The following DMD variants were observed in gnomAD, a reference collection of about 807,000 sequenced individuals.
DMD encodes the protein dystrophin.
DMD carries 63 observed loss-of-function variants against 330.1 expected under a neutral mutation model. That is an observed-to-expected ratio of 0.19 (90% CI 0.16 to 0.24). The LOEUF (loss-of-function observed/expected upper bound fraction) is 0.24, where lower values mean the gene tolerates loss of function less well. Among genes scored for constraint, DMD ranks in the 10% least tolerant of loss-of-function variants. The probability of loss-of-function intolerance (pLI) is 1.00; values close to 1 mark genes in which losing one functional copy is unlikely to be tolerated. For missense variants in DMD, 3,344 were observed against 2,684.1 expected, an observed-to-expected ratio of 1.25 and a Z score of -5.43; for synonymous variants, 1,223 against 959.8, an observed-to-expected ratio of 1.27 and a Z score of -5.07.
chrX:32,050,039 T>G (rs780278976), intron 44 of DMD, among the ~76,000 whole-genome samples: 1 of 111,782 alleles, frequency 8.9e-6, no homozygotes, highest in Non-Finnish European at 1.9e-5. Context: ...ATTCTGACAG[T>G]TTTTTAATAA....
chrX:33,295,936 G>A (rs897057636), intron 1 of DMD, among the ~76,000 whole-genome samples: 1 of 111,468 alleles, frequency 9.0e-6, no homozygotes, highest in African/African-American at 3.3e-5. Context: ...ATCCATGGGG[G>A]ATGAGCTAAT....
intron 45 of DMD, among the ~76,000 whole-genome samples, chrX:31,959,402 G>T (rs1569523231): frequency 9.0e-6 from 1 of 111,647 alleles, no homozygotes; most frequent in Non-Finnish European, 1.9e-5. Context: ...AGGGTAAGTG[G>T]ATAGGCGGTT....
chrX:32,896,631 A>G (rs2085747009), intron 2 of DMD, among the ~76,000 whole-genome samples: 1 of 112,063 alleles, frequency 8.9e-6, no homozygotes, highest in Admixed American at 9.5e-5. Flanking sequence ...AAGATAATTC[A>G]CTTGACTGCA....
At chrX:31,893,001 C>T (rs764189152) in intron 47 of DMD, among the ~76,000 whole-genome samples, 2 of 111,877 alleles carry the variant, frequency 1.8e-5, no homozygotes, top group Admixed American at 9.4e-5. Flanking sequence ...GCTCACATTA[C>T]GCTCTGTAAT....
At chrX:31,342,976 C>T (rs1351737479) in intron 61 of DMD, among the ~76,000 whole-genome samples, 1 of 110,807 alleles carries the variant, frequency 9.0e-6, no homozygotes, top group East Asian at 2.8e-4. Flanking sequence ...GGGGGTTTCA[C>T]CAGGTTGGCC....
At chrX:32,075,459 C>T (rs768399765) in intron 44 of DMD, among the ~76,000 whole-genome samples, 54 of 111,745 alleles carry the variant, frequency 4.8e-4, no homozygotes, top group Non-Finnish European at 8.3e-4. Flanking sequence ...AAAATGAGGG[C>T]ATTGGAAGGC....
rs759716644 is a variant in DMD at position 33,271,153 on chromosome X, G to C, written c.7+68106C>G. On this transcript the variant is annotated intron_variant, in intron 1 of 17. Coordinates refer to the DMD transcript ENST00000288447. The stretch of plus-strand genomic sequence containing the variant: ...TATCTAATGCATTTCTAATTGCTAA[G>C]TTACAGTTCCAACATTTTCATAGTG... Among the ~76,000 whole-genome samples, 4 of 110,958 alleles carry C rather than the reference G, an allele frequency of 3.6e-5. No individual in the cohort carries two copies. In the South Asian group the frequency reaches 1.5e-3, roughly 42 times the overall value.
At chrX:31,269,055 T>C (rs762715582) in intron 62 of DMD, among the ~76,000 whole-genome samples, 82 of 111,799 alleles carry the variant, frequency 7.3e-4, no homozygotes, top group Non-Finnish European at 1.2e-3. Context: ...CAAAAATACA[T>C]CTTTAAGTTC....
At position 31,618,378 on chromosome X, in the gene DMD, T is replaced by C. The variant is rs138909278; in HGVS notation, c.8217+9295A>G. On this transcript the variant is annotated intron_variant, in intron 55 of 78. Transcript: ENST00000357033. ...GTGAGCAGTAATAACAAAATATGAG[T>C]AGATTTCTAGGGCAATGAGGACTTG... is the stretch of plus-strand genomic sequence containing the variant. 3.6e-4 allele frequency among the ~76,000 whole-genome samples: 40 copies of C among 111,485 alleles called. No homozygotes were observed. In the East Asian group the frequency reaches 9.6e-3, roughly 27 times the overall value.
In DMD at chrX:32,573,808, T is replaced by A. The variant is rs1394724423; in HGVS notation, c.1641A>T (p.Thr547=). The A allele has an allele frequency of 1.7e-6, 2 of 1,210,012 alleles. No individual in the cohort carries two copies. Among genetic ancestry groups the A allele is most frequent in the East Asian group, 5.9e-5 (2 of 33,782 alleles). ...GDRWANICRW[T]EDRWVLLQDI... ...CTTGTAAAAGAACCCAGCGGTCTTC[T>A]GTCCATCTACAGATGTTTGCCCATC... Residue 547 remains threonine (T), a synonymous_variant, in exon 14 of 79, where the codon ACA becomes ACT. Coordinates refer to ENST00000357033, the MANE Select transcript of DMD (RefSeq NM_004006.3).
In DMD at chrX:31,199,039, T is replaced by C. The variant is rs186361793; in HGVS notation, c.9807+4922A>G. Among the ~76,000 whole-genome samples, 9 of 111,999 alleles carry C rather than the reference T, an allele frequency of 8.0e-5. No individual in the cohort carries two copies. The East Asian group carries it at 1.4e-3, about 17-fold the overall frequency. On this transcript the variant is annotated intron_variant, in intron 67 of 78. Transcript: ENST00000357033. ...GGTTGAAGCCATAACATGATGTAAA[T>C]TGCACGATGTAGACTAGATTCATTG...
chrX:32,427,979 T>A (rs946733224), intron 29 of DMD, among the ~76,000 whole-genome samples: 38 of 111,542 alleles, frequency 3.4e-4, no homozygotes, highest in African/African-American at 6.5e-4. Context: ...GATTTTATAT[T>A]TGTTTTTACT....
intron 11 of DMD, among the ~76,000 whole-genome samples, chrX:32,615,246 A>G (rs1164862178): frequency 9.0e-6 from 1 of 111,612 alleles, no homozygotes; most frequent in Non-Finnish European, 1.9e-5. Flanking sequence ...CAAATAGACT[A>G]GAGAAAGGGT....
chrX:32,667,127 A>T (rs1299679054), intron 9 of DMD, among the ~76,000 whole-genome samples: 2 of 111,688 alleles, frequency 1.8e-5, no homozygotes, highest in African/African-American at 6.5e-5. Flanking sequence ...TACAACATGG[A>T]TGAGCCTAGA....
intron 44 of DMD, among the ~76,000 whole-genome samples, chrX:32,051,011 A>G (rs2096109949): frequency 1.2e-5 from 1 of 86,729 alleles, no homozygotes; most frequent in Admixed American, 1.2e-4. Context: ...ACAGGCTCTC[A>G]CTGTGTTGCC....
rs371673441 is a variant in DMD at position 32,959,033 on chromosome X, T to A, written c.93+61106A>T. On this transcript the variant is annotated intron_variant, in intron 2 of 78. Coordinates refer to ENST00000357033, the MANE Select transcript of DMD (RefSeq NM_004006.3). ...CATTTAATGAACTATACAATATTTA[T>A]AATAAGTTATTACAAATATGTTCAT... Among the ~76,000 whole-genome samples, 4 of 112,025 alleles carry A rather than the reference T, an allele frequency of 3.6e-5. No homozygotes were observed. The South Asian group carries it at 1.5e-3, about 41-fold the overall frequency.
At chrX:31,215,230 C>G (rs1188689783) in intron 64 of DMD, among the ~76,000 whole-genome samples, 2 of 107,492 alleles carry the variant, frequency 1.9e-5, no homozygotes, top group Non-Finnish European at 3.9e-5. Flanking sequence ...CGTGAGCCAC[C>G]GAGCCCAGCC....
intron 44 of DMD, among the ~76,000 whole-genome samples, chrX:31,995,068 G>C (rs180684881): frequency 3.1e-4 from 35 of 112,091 alleles, no homozygotes; most frequent in South Asian, 1.9e-3. Flanking sequence ...CCTTCCTTAC[G>C]TGCTTATCAA....
intron 2 of DMD, among the ~76,000 whole-genome samples, chrX:32,963,240 G>T (rs2091975600): frequency 8.9e-6 from 1 of 111,786 alleles, no homozygotes. Flanking sequence ...ATTGGAAGGA[G>T]GTAAAGGATA....
Sources: gnomAD v4.1 joint callset for allele counts (sites outside exome capture counted in the v4.1 genomes callset) on GRCh38, gnomAD v4.1.1 for gene constraint, MANE v1.5 for transcripts, NCBI Gene and HGNC (gene_info 2026-07-23, HGNC 2026-07-21) for gene names.